The following SLC7A7 variants were observed in gnomAD, a reference collection of about 807,000 sequenced individuals.
The protein encoded by SLC7A7 is Y+L amino acid transporter 1.
SLC7A7 carries 39 observed loss-of-function variants against 47.9 expected under a neutral mutation model. The ratio of observed to expected loss-of-function variants is 0.81; its 90% CI spans 0.63 to 1.06. The LOEUF is 1.06. Ranked by LOEUF, SLC7A7 falls within the 50% of genes least tolerant of loss-of-function variation. The pLI is 0.00. For missense variants in SLC7A7, 588 were observed against 632.0 expected, an observed-to-expected ratio of 0.93 and a Z score of 0.75; for synonymous variants, 234 against 242.8, an observed-to-expected ratio of 0.96 and a Z score of 0.34.
intron 9 of SLC7A7, 45 bp from the exon 10 acceptor site, chr14:22,773,761 G>A: frequency 6.3e-7 from 1 of 1,592,720 alleles, no homozygotes; most frequent in African/African-American, 1.3e-5. Context: ...GGTCAGCTGG[G>A]CTGAGTTCAA....
Position 22,773,913 on chromosome 14 carries a change from C to G in SLC7A7, c.1429+20G>C. 1 of 1,613,664 alleles carries G rather than the reference C, an allele frequency of 6.2e-7. No individual in the cohort carries two copies. Among genetic ancestry groups the G allele is most frequent in the African/African-American group, 1.3e-5 (1 of 75,034 alleles). ...CCAAGCTCTGCAATAGCTGAGCGGA[C>G]TTAAGGATGCACGGCTTACCCACGA... is the stretch of plus-strand genomic sequence containing the variant. On this transcript the variant is annotated intron_variant, in intron 9 of 9. Coordinates refer to ENST00000674313, the MANE Select transcript of SLC7A7 (RefSeq NM_003982.4).
intron 2 of SLC7A7, among the ~76,000 whole-genome samples, chr14:22,787,401 A>C (rs2038835984): frequency 6.6e-6 from 1 of 150,700 alleles, no homozygotes; most frequent in African/African-American, 2.5e-5. Flanking sequence ...ACACCACTAC[A>C]CTCCAGCCTG....
rs141555009 is a variant in SLC7A7 at position 22,790,408 on chromosome 14, A to C, written c.500-10357T>G. On this transcript the variant is annotated intron_variant, in intron 2 of 9. Coordinates refer to ENST00000674313, the MANE Select transcript of SLC7A7 (RefSeq NM_003982.4). ...AGCACTGGGTGGTACTATTCATTACATTTGTTGAAAAATGGAGAAAGGGGA... is the reference window on the plus strand; with the variant it reads ...AGCACTGGGTGGTACTATTCATTACCTTTGTTGAAAAATGGAGAAAGGGGA... Among the ~76,000 whole-genome samples the C allele has an allele frequency of 3.7e-3, 553 of 151,492 alleles. 4 individuals carry two copies. Among genetic ancestry groups the C allele is most frequent in the African/African-American group, 0.012 (501 of 41,324 alleles).
At chr14:22,780,953 A>G (rs538941472) in intron 2 of SLC7A7, among the ~76,000 whole-genome samples, 7 of 152,290 alleles carry the variant, frequency 4.6e-5, no homozygotes, top group South Asian at 2.1e-4. Context: ...AAGAAGTTCA[A>G]CAAGGGAGGC....
chr14:22,818,217 G>C (rs1366726602), upstream of SLC7A7, among the ~76,000 whole-genome samples: 2 of 150,320 alleles, frequency 1.3e-5, no homozygotes, highest in Non-Finnish European at 2.9e-5. Context: ...CATCTGAAAA[G>C]TGAAGTCCTA....
chr14:22,803,456 G>C (rs139306784), intron 2 of SLC7A7, among the ~76,000 whole-genome samples: 18 of 152,262 alleles, frequency 1.2e-4, no homozygotes, highest in East Asian at 5.8e-4. Flanking sequence ...GGAACTGAGA[G>C]TGACCATTTT....
upstream of SLC7A7, among the ~76,000 whole-genome samples, chr14:22,819,045 G>A (rs2039443373): frequency 6.6e-6 from 1 of 152,142 alleles, no homozygotes; most frequent in African/African-American, 2.4e-5. Context: ...TCAGAAACTG[G>A]CAGCAGGGCC....
intron 2 of SLC7A7, among the ~76,000 whole-genome samples, chr14:22,806,187 CTTTTT>C (rs77783824): frequency 2.6e-5 from 2 of 78,278 alleles, no homozygotes; most frequent in African/African-American, 1.1e-4. Context: ...ACATCAATCT[CTTTTT>C]TTTTTTTTTT....
chr14:22,795,255 T>A (rs1408085476), intron 2 of SLC7A7, among the ~76,000 whole-genome samples: 1 of 149,310 alleles, frequency 6.7e-6, no homozygotes, highest in East Asian at 2.0e-4. Context: ...TAATTTTTTT[T>A]TTTTTTTTTT....
rs2038515377 is a variant in SLC7A7, at chr14:22,773,472, A to G, written c.*138T>C. The G allele has an allele frequency of 2.7e-6, 2 of 742,844 alleles. No individual in the cohort carries two copies. The highest frequency in any genetic ancestry group is 2.9e-5 in the South Asian group (2 of 67,816). 46.0% of individuals were successfully genotyped at this position (742,844 alleles called of 1,614,324 possible). A position where few individuals can be genotyped will look rare whatever the true frequency, so the allele number is the denominator to read the frequency against. Reference sequence around the variant, plus strand: ...TAAATTACTTTTCATTTCAAAAAGTAAGTTCAAAGGTTGAAGCTGCCTAGG... The same window carrying G: ...TAAATTACTTTTCATTTCAAAAAGTGAGTTCAAAGGTTGAAGCTGCCTAGG... On this transcript the variant is annotated 3_prime_UTR_variant, in exon 10 of 10. Transcript: ENST00000674313.
At chr14:22,786,809 A>G in intron 2 of SLC7A7, among the ~76,000 whole-genome samples, 1 of 151,914 alleles carries the variant, frequency 6.6e-6, no homozygotes, top group East Asian at 1.9e-4. Flanking sequence ...GGTGGCACAC[A>G]CCTGTGGTCC....
In SLC7A7 at chr14:22,780,008, G is replaced by C. The variant is rs145777568; in HGVS notation, c.543C>G (p.Thr181=). The C allele has an allele frequency of 6.8e-5, 110 of 1,613,920 alleles. No individual in the cohort carries two copies. In the African/African-American group the frequency reaches 1.2e-3, roughly 17 times the overall value. The stretch of plus-strand genomic sequence containing the variant: ...CATAGGTGAAAATATCTTGTACCAG[G>C]GTTCCCCATTTGACATAGGCACAGT... The part of the protein sequence containing the change: ...FINCAYVKWG[T]LVQDIFTYAK... The change falls in exon 3 of 10, where the codon ACC becomes ACG. Residue 181 remains threonine (T), a synonymous_variant. Coordinates refer to ENST00000674313, the MANE Select transcript of SLC7A7 (RefSeq NM_003982.4).
rs1310878284 is a variant in SLC7A7 at position 22,773,724 on chromosome 14, G to A, written c.1430-8C>T. 3 of 1,613,652 alleles carry A rather than the reference G, an allele frequency of 1.9e-6. No individual in the cohort carries two copies. The highest frequency in any genetic ancestry group is 2.7e-5 in the African/African-American group (2 of 74,936). On this transcript the variant is annotated splice_region_variant and splice_polypyrimidine_tract_variant and intron_variant, in intron 9 of 9. Transcript: ENST00000674313. The stretch of plus-strand genomic sequence containing the variant: ...GGTACCTTGTGGCAGACCCTACAAA[G>A]AGAACTTTGAGTTGGAATTGAGAAG...
At chr14:22,815,863 C>T (rs2039400741), upstream of SLC7A7, 2 of 362,572 alleles carry the variant, frequency 5.5e-6, no homozygotes, top group African/African-American at 2.1e-5. Flanking sequence ...GAAGGTTGCA[C>T]AGTGTGACAC....
intron 2 of SLC7A7, among the ~76,000 whole-genome samples, chr14:22,792,839 T>C (rs547752537): frequency 8.7e-6 from 1 of 115,258 alleles, no homozygotes; most frequent in South Asian, 2.9e-4. Flanking sequence ...GCCTGGATGA[T>C]AGTGTGAGGC....
At chr14:22,807,998 C>T (rs761226671) in intron 2 of SLC7A7, among the ~76,000 whole-genome samples, 2 of 151,906 alleles carry the variant, frequency 1.3e-5, no homozygotes, top group Non-Finnish European at 2.9e-5. Context: ...CCCGTCTCTA[C>T]TAAAAACACA....
intron 2 of SLC7A7, among the ~76,000 whole-genome samples, chr14:22,790,635 A>T (rs1441795488): frequency 6.6e-6 from 1 of 152,180 alleles, no homozygotes; most frequent in Non-Finnish European, 1.5e-5. Flanking sequence ...TGAACAAAGT[A>T]TACTCTTTCA....
intron 2 of SLC7A7, among the ~76,000 whole-genome samples, chr14:22,782,666 T>C (rs2038741062): frequency 6.6e-6 from 1 of 151,816 alleles, no homozygotes; most frequent in South Asian, 2.1e-4. Context: ...TTCACCATAC[T>C]GGCCAGGCTA....
chr14:22,807,973 C>T (rs954427419), intron 2 of SLC7A7, among the ~76,000 whole-genome samples: 3 of 151,916 alleles, frequency 2.0e-5, no homozygotes, highest in Non-Finnish European at 1.5e-5. Context: ...ACCAGCCTGG[C>T]CAACGTGGTG....
Sources: gnomAD v4.1 joint callset for allele counts (sites outside exome capture counted in the v4.1 genomes callset) on GRCh38, gnomAD v4.1.1 for gene constraint, MANE v1.5 for transcripts, NCBI Gene and HGNC (gene_info 2026-07-23, HGNC 2026-07-21) for gene names.